The following PLEKHA2 variants were observed in gnomAD, a reference collection of about 807,000 sequenced individuals.
PLEKHA2 encodes the protein pleckstrin homology domain-containing family A member 2.
A neutral mutation model predicts 53.2 loss-of-function variants in PLEKHA2; 28 were observed. That is an observed-to-expected ratio of 0.53 (90% CI 0.39 to 0.72). The LOEUF (loss-of-function observed/expected upper bound fraction) is 0.72. Among genes scored for constraint, PLEKHA2 ranks in the 30% least tolerant of loss-of-function variants. PLEKHA2 has a pLI of 0.00. For missense variants in PLEKHA2, 426 were observed against 537.9 expected (o/e 0.79, Z 2.06); for synonymous variants, 193 against 196.4 (o/e 0.98, Z 0.14).
chr8:38,969,198 G>C (rs1386394986), intron 11 of PLEKHA2, among the ~76,000 whole-genome samples: 1 of 152,134 alleles, frequency 6.6e-6, no homozygotes, highest in Non-Finnish European at 1.5e-5. Context: ...ACCACGCCCG[G>C]CCGAGAAACA....
chr8:38,926,381 CT>C (rs545129514), intron 2 of PLEKHA2, among the ~76,000 whole-genome samples: 21,596 of 137,158 alleles, frequency 0.16, 1,977 homozygotes, highest in African/African-American at 0.28. Flanking sequence ...TTAAAAAGTA[CT>C]TTTTTTTTTT....
intron 5 of PLEKHA2, among the ~76,000 whole-genome samples, chr8:38,949,652 G>A (rs575352274): frequency 1.3e-5 from 2 of 152,218 alleles, no homozygotes; most frequent in African/African-American, 2.4e-5. Context: ...AGCAAAGATA[G>A]CTCATTCTTC....
chr8:38,914,548 A>T (rs1035307931), intron 1 of PLEKHA2, among the ~76,000 whole-genome samples: 2 of 152,198 alleles, frequency 1.3e-5, no homozygotes, highest in Admixed American at 1.3e-4. Flanking sequence ...GTGGCTGTGG[A>T]CAGAGGGCCT....
intron 10 of PLEKHA2, among the ~76,000 whole-genome samples, chr8:38,958,722 C>G (rs544665146): frequency 6.6e-6 from 1 of 152,288 alleles, no homozygotes; most frequent in Admixed American, 6.5e-5. Flanking sequence ...CAAGGTTTAA[C>G]CTGTAGATTG....
intron 5 of PLEKHA2, among the ~76,000 whole-genome samples, chr8:38,949,242 T>C (rs1834778441): frequency 6.6e-6 from 1 of 151,986 alleles, no homozygotes; most frequent in Admixed American, 6.6e-5. Flanking sequence ...TTTTTTTCTT[T>C]CTAACAAAAT....
intron 5 of PLEKHA2, among the ~76,000 whole-genome samples, chr8:38,946,601 A>C (rs1187318194): frequency 6.6e-6 from 1 of 152,168 alleles, no homozygotes; most frequent in Non-Finnish European, 1.5e-5. Flanking sequence ...ACTTTTTCCC[A>C]GCTTGGGGGA....
At chr8:38,944,790 C>G (rs902381681) in intron 4 of PLEKHA2, among the ~76,000 whole-genome samples, 3 of 152,170 alleles carry the variant, frequency 2.0e-5, no homozygotes, top group Non-Finnish European at 4.4e-5. Context: ...GGACAGAGAT[C>G]CAAACCATAT....
chr8:38,926,915 C>A (rs1195931633), intron 2 of PLEKHA2, among the ~76,000 whole-genome samples: 2 of 151,706 alleles, frequency 1.3e-5, no homozygotes, highest in Non-Finnish European at 2.9e-5. Flanking sequence ...GACTCCATCT[C>A]AAAAAAAACC....
intron 1 of PLEKHA2, among the ~76,000 whole-genome samples, chr8:38,909,726 T>C (rs1407286532): frequency 6.6e-6 from 1 of 152,180 alleles, no homozygotes; most frequent in Admixed American, 6.6e-5. Flanking sequence ...ATGAGCTGCT[T>C]CTAGTCAACT....
At chr8:38,950,681 T>C (rs376631399) in intron 5 of PLEKHA2, 169 bp from the exon 6 acceptor site, 4 of 719,604 alleles carry the variant, frequency 5.6e-6, no homozygotes, top group South Asian at 2.2e-5. Context: ...GCGTTGCTGG[T>C]TGAGATGCTC....
intron 9 of PLEKHA2, among the ~76,000 whole-genome samples, chr8:38,955,888 G>A (rs1353764911): frequency 6.6e-6 from 1 of 152,156 alleles, no homozygotes; most frequent in Non-Finnish European, 1.5e-5. Flanking sequence ...TCAGTTCACT[G>A]CAGCCTCTGC....
intron 1 of PLEKHA2, among the ~76,000 whole-genome samples, chr8:38,908,843 G>A (rs1833915846): frequency 6.6e-6 from 1 of 152,096 alleles, no homozygotes; most frequent in South Asian, 2.1e-4. Context: ...ATGTCCTGTT[G>A]TTTATTTAAT....
chr8:38,957,438 C>T (rs1376727425), intron 10 of PLEKHA2, 52 bp downstream of exon 10: 1 of 1,434,270 alleles, frequency 7.0e-7, no homozygotes, highest in Admixed American at 1.7e-5. Context: ...GTGAATGGTG[C>T]CCTCACAGGC....
rs774899490 is a variant in PLEKHA2, at chr8:38,933,778, T to TAAAAAAAAA, written c.142-2208_142-2200dup. The stretch of plus-strand genomic sequence containing the variant: ...CTCTTCCTACCCAATAGAGGTTTCC[T>TAAAAAAAAA]AAAAAAAAAAAAAAAAGAAAAGAAA... On this transcript the variant is annotated intron_variant, in intron 2 of 11. Transcript: ENST00000617275. Among the ~76,000 whole-genome samples the TAAAAAAAAA allele has an allele frequency of 3.5e-4, 17 of 49,038 alleles. 1 individual carries two copies. The highest frequency in any genetic ancestry group is 5.0e-4 in the African/African-American group (7 of 14,122). 32.2% of individuals were successfully genotyped at this position (49,038 alleles called of 152,430 possible).
chr8:38,927,846 A>T (rs1266840745), intron 2 of PLEKHA2, among the ~76,000 whole-genome samples: 2 of 152,078 alleles, frequency 1.3e-5, no homozygotes, highest in Non-Finnish European at 2.9e-5. Flanking sequence ...TCTGGCCAGG[A>T]CATCGGGATG....
chr8:38,970,962 TTCTG>T lies in PLEKHA2; in HGVS notation c.*1185_*1188del, dbSNP rs1428946385. ...TAAAGGAAGAGAGAACTTAGCTTAT[TTCTG>T]TCTGTGACTTTTATCAGCTAGATCA... On this transcript the variant is annotated 3_prime_UTR_variant, in exon 12 of 12. Coordinates refer to ENST00000617275, the MANE Select transcript of PLEKHA2 (RefSeq NM_021623.2). 6.6e-6 allele frequency: 1 copy of T among 152,268 alleles called. No individual in the cohort carries two copies. The highest frequency in any genetic ancestry group is 1.5e-5 in the Non-Finnish European group (1 of 68,046). 9.4% of individuals were successfully genotyped at this position (152,268 alleles called of 1,614,324 possible). A position where few individuals can be genotyped will look rare whatever the true frequency, so the allele number is the denominator to read the frequency against.
At chr8:38,968,338 C>G (rs376109316) in intron 10 of PLEKHA2, among the ~76,000 whole-genome samples, 1 of 152,184 alleles carries the variant, frequency 6.6e-6, no homozygotes, top group East Asian at 1.9e-4. Context: ...GGGTCTTAAA[C>G]TTTCCCCTTC....
At chr8:38,924,393 T>C (rs541546476) in intron 2 of PLEKHA2, among the ~76,000 whole-genome samples, 43 of 152,060 alleles carry the variant, frequency 2.8e-4, no homozygotes, top group African/African-American at 8.7e-4. Flanking sequence ...AAGTTCTTTA[T>C]TGAGGAAATG....
chr8:38,920,161 T>A (rs998908572), intron 2 of PLEKHA2, among the ~76,000 whole-genome samples: 2 of 151,798 alleles, frequency 1.3e-5, no homozygotes, highest in Non-Finnish European at 2.9e-5. Flanking sequence ...ATTTATTGAT[T>A]TAGTTTTGAG....
Sources: allele counts gnomAD v4.1 joint callset (sites outside exome capture counted in the v4.1 genomes callset), GRCh38; gene constraint gnomAD v4.1.1; transcripts MANE v1.5; gene names NCBI Gene and HGNC (gene_info 2026-07-23, HGNC 2026-07-21).